The following SLC7A10 variants were observed in gnomAD, a reference collection of about 807,000 sequenced individuals.
The protein encoded by SLC7A10 is solute carrier family 7 member 10.
SLC7A10 carries 30 observed loss-of-function variants against 52.7 expected under a neutral mutation model. That is an observed-to-expected ratio of 0.57 (90% CI 0.43 to 0.77). The LOEUF (loss-of-function observed/expected upper bound fraction) is 0.77, where lower values mean the gene tolerates loss of function less well. Ranked by LOEUF, SLC7A10 falls within the 30% of genes least tolerant of loss-of-function variation. The pLI is 0.00. For missense variants in SLC7A10, 581 were observed against 698.5 expected (o/e 0.83, Z 1.90); for synonymous variants, 318 against 314.9 (o/e 1.01, Z -0.10).
intron 1 of SLC7A10, among the ~76,000 whole-genome samples, chr19:33,222,336 C>A (rs1224652516): frequency 6.6e-6 from 1 of 151,596 alleles, no homozygotes; most frequent in Non-Finnish European, 1.5e-5. Flanking sequence ...GAGGTCGAGG[C>A]TGCAGTGAGC....
Position 33,208,882 on chromosome 19 carries a change from A to G in SLC7A10, c.*9T>C. On this transcript the variant is annotated 3_prime_UTR_variant, in exon 11 of 11. Coordinates refer to ENST00000253188, the MANE Select transcript of SLC7A10 (RefSeq NM_019849.3). This position sits in a 1 kb window ranked among gnomAD's most constrained non-coding sequence, Gnocchi z 4.7. Reference sequence around the variant, plus strand: ...AACAGAAACAACTGCTTCAGTCTCTACAAAAATCTCATTGTGGCTTCGAGG... The same window carrying G: ...AACAGAAACAACTGCTTCAGTCTCTGCAAAAATCTCATTGTGGCTTCGAGG... 6.2e-7 allele frequency: 1 copy of G among 1,613,902 alleles called. No individual in the cohort carries two copies. The highest frequency in any genetic ancestry group is 1.1e-5 in the South Asian group (1 of 91,080).
intron 2 of SLC7A10, among the ~76,000 whole-genome samples, chr19:33,213,544 T>C (rs1159833448): frequency 6.6e-6 from 1 of 152,182 alleles, no homozygotes; most frequent in Non-Finnish European, 1.5e-5. Flanking sequence ...CGCCTCGGCC[T>C]CCCAAAGTGT....
intron 2 of SLC7A10, among the ~76,000 whole-genome samples, chr19:33,215,307 T>G (rs897669762): frequency 6.7e-6 from 1 of 149,692 alleles, no homozygotes; most frequent in East Asian, 1.9e-4. Context: ...GCAGGGTATA[T>G]GGTAAGAATA....
At position 33,208,711 on chromosome 19, in the gene SLC7A10, A is replaced by G; in HGVS notation, c.*180T>C. ...ATAGGCCTTTTCAGGAAGAGCTAGC[A>G]GGGCAGTGCTAAGACAGGAAACCCA... On this transcript the variant is annotated 3_prime_UTR_variant, in exon 11 of 11. Transcript: ENST00000253188. The surrounding 1 kb of genome is among the most constrained non-coding windows in gnomAD (Gnocchi z 4.7). 2.7e-6 allele frequency: 2 copies of G among 741,178 alleles called. No individual in the cohort carries two copies. The highest frequency in any genetic ancestry group is 3.6e-5 in the South Asian group (2 of 55,970). 45.9% of individuals were successfully genotyped at this position (741,178 alleles called of 1,614,324 possible).
chr19:33,224,174 C>A lies in SLC7A10; in HGVS notation c.151+1379G>T, dbSNP rs564134639. Among the ~76,000 whole-genome samples, 96 of 152,298 alleles carry A rather than the reference C, an allele frequency of 6.3e-4. 1 individual carries two copies. The highest frequency in any genetic ancestry group is 2.2e-3 in the African/African-American group (93 of 41,556). On this transcript the variant is annotated intron_variant, in intron 1 of 10. Transcript: ENST00000253188. ...AGCTGGTTCTAGGCATGGTCTCAAT[C>A]CTATGACCCACTCATGGTGTGAGCT...
chr19:33,215,457 T>C (rs796787881), intron 2 of SLC7A10, among the ~76,000 whole-genome samples: 3 of 151,998 alleles, frequency 2.0e-5, no homozygotes, highest in African/African-American at 7.2e-5. Context: ...GGGGTGGGGT[T>C]CAGAGGGACC....
chr19:33,211,629 TC>T, intron 5 of SLC7A10, 92 bp from the exon 6 acceptor site: 1 of 1,603,606 alleles, frequency 6.2e-7, no homozygotes, highest in Non-Finnish European at 8.5e-7. Context: ...AGTCTCCATC[TC>T]TTGTGTCTGC....
At chr19:33,209,043 T>C (rs763951846) in intron 10 of SLC7A10, 22 bp from the exon 11 acceptor site, 1 of 1,612,962 alleles carries the variant, frequency 6.2e-7, no homozygotes, top group Non-Finnish European at 8.5e-7. Context: ...CAGATGGACC[T>C]TGGGGCCTGA....
chr19:33,223,277 C>T (rs1974850458), intron 1 of SLC7A10, among the ~76,000 whole-genome samples: 1 of 142,548 alleles, frequency 7.0e-6, no homozygotes, highest in Admixed American at 7.3e-5. Flanking sequence ...CACTGCACTC[C>T]AGCCTAGGGG....
intron 2 of SLC7A10, among the ~76,000 whole-genome samples, chr19:33,214,596 C>T (rs185303313): frequency 6.6e-6 from 1 of 152,370 alleles, no homozygotes; most frequent in East Asian, 1.9e-4. Context: ...CAGCAGACTC[C>T]CTGCGCTCAC....
intron 1 of SLC7A10, among the ~76,000 whole-genome samples, chr19:33,224,686 G>A (rs930805513): frequency 2.6e-5 from 4 of 152,210 alleles, no homozygotes; most frequent in Non-Finnish European, 5.9e-5. Flanking sequence ...GGGCTCAGAG[G>A]CACTCTGTGT....
chr19:33,212,213 G>A, intron 5 of SLC7A10, 79 bp downstream of exon 5: 2 of 1,546,316 alleles, frequency 1.3e-6, no homozygotes, highest in Non-Finnish European at 1.7e-6. Context: ...TTGGGTGGCA[G>A]TGGGGCTGGG....
chr19:33,209,966 G>T (rs1359941909), intron 9 of SLC7A10, among the ~76,000 whole-genome samples: 2 of 149,664 alleles, frequency 1.3e-5, no homozygotes, highest in African/African-American at 4.9e-5. Context: ...TTTGAGACAG[G>T]GTCTCCCTCT....
At chr19:33,222,450 A>AAAATAAAAT (rs992207895) in intron 1 of SLC7A10, among the ~76,000 whole-genome samples, 1 of 77,680 alleles carries the variant, frequency 1.3e-5, no homozygotes, top group African/African-American at 5.9e-5. Context: ...TAAAATAAAT[A>AAAATAAAAT]AAATAAAATA....
intron 1 of SLC7A10, chr19:33,221,319 A>C (rs1026301233): frequency 6.6e-6 from 1 of 152,196 alleles, no homozygotes; most frequent in Admixed American, 6.5e-5. Context: ...CCCACACCAG[A>C]AGATGGATTT....
At chr19:33,213,750 A>G (rs1227595272) in intron 2 of SLC7A10, among the ~76,000 whole-genome samples, 6 of 152,158 alleles carry the variant, frequency 3.9e-5, no homozygotes. Context: ...AGGGAGACCT[A>G]TGGGGTGCAG....
At chr19:33,217,309 G>C (rs1381656079) in intron 1 of SLC7A10, among the ~76,000 whole-genome samples, 1 of 152,204 alleles carries the variant, frequency 6.6e-6, no homozygotes, top group South Asian at 2.1e-4. Context: ...ACTGTGCCCA[G>C]CCCCTCTGCT....
At chr19:33,211,005 GC>G in intron 7 of SLC7A10, 107 bp from the exon 8 acceptor site, 1 of 1,139,664 alleles carries the variant, frequency 8.8e-7, no homozygotes, top group Non-Finnish European at 1.3e-6. Context: ...GGGCCCAGCA[GC>G]CCCACTGGAC....
At position 33,210,189 on chromosome 19, in the gene SLC7A10, C is replaced by T. The variant is rs565964566; in HGVS notation, c.1263+278G>A. The stretch of plus-strand genomic sequence containing the variant: ...TCTCAAACTCCTGGGCTCCAGCAAT[C>T]CTCCCACCTCGGCCTCCCAAAGTGC... On this transcript the variant is annotated intron_variant, in intron 9 of 10. Transcript: ENST00000253188. This position sits in a 1 kb window ranked among gnomAD's most constrained non-coding sequence, Gnocchi z 5.6. Among the ~76,000 whole-genome samples the T allele has an allele frequency of 6.6e-6, 1 of 152,252 alleles. No homozygotes were observed. The highest frequency in any genetic ancestry group is 1.5e-5 in the Non-Finnish European group (1 of 68,008).
Sources: gnomAD v4.1 joint callset for allele counts (sites outside exome capture counted in the v4.1 genomes callset) on GRCh38, gnomAD v4.1.1 for gene constraint, Gnocchi (gnomAD v3.1) non-coding constraint, MANE v1.5 for transcripts, NCBI Gene and HGNC (gene_info 2026-07-23, HGNC 2026-07-21) for gene names.